NKAIN2: variants seen among roughly 807,000 people sequenced by gnomAD.
The protein encoded by NKAIN2 is sodium/potassium transporting ATPase interacting 2, also known as sodium/potassium-transporting ATPase subunit beta-1-interacting protein 2.
Under a neutral mutation model 32.6 loss-of-function variants are expected in NKAIN2, and 14 were observed. That is an observed-to-expected ratio of 0.43 (90% CI 0.28 to 0.67). NKAIN2 has a LOEUF of 0.67. NKAIN2 is among the 30% of genes least tolerant of loss of function. The pLI is 0.17. For synonymous variants in NKAIN2, 80 were observed against 87.2 expected (o/e 0.92, Z 0.46); for missense variants, 198 against 258.3 (o/e 0.77, Z 1.60).
chr6:124,379,196 GA>G (rs1800141454), intron 3 of NKAIN2, among the ~76,000 whole-genome samples: 1 of 81,510 alleles, frequency 1.2e-5, no homozygotes, highest in Non-Finnish European at 2.6e-5. Flanking sequence ...GGGAGGGAGG[GA>G]AAGGAGGAAG....
At chr6:124,428,125 C>T (rs934638598) in intron 3 of NKAIN2, among the ~76,000 whole-genome samples, 1 of 152,028 alleles carries the variant, frequency 6.6e-6, no homozygotes, top group Admixed American at 6.6e-5. Context: ...ATAGATCCAG[C>T]AGGTTTTCAA....
At chr6:124,718,135 T>C (rs1775843959) in intron 4 of NKAIN2, among the ~76,000 whole-genome samples, 3 of 152,184 alleles carry the variant, frequency 2.0e-5, no homozygotes, top group South Asian at 4.1e-4. Context: ...TCAATGATTT[T>C]TTTAGTATAA....
intron 1 of NKAIN2, among the ~76,000 whole-genome samples, chr6:123,875,342 T>C (rs938009822): frequency 2.6e-5 from 4 of 152,036 alleles, no homozygotes; most frequent in Admixed American, 2.6e-4. Flanking sequence ...ATATGCCTTG[T>C]TAATTTTTGC....
chr6:124,291,006 A>T (rs1030070661), intron 2 of NKAIN2, among the ~76,000 whole-genome samples: 10 of 152,096 alleles, frequency 6.6e-5, no homozygotes, highest in African/African-American at 2.2e-4. Flanking sequence ...ATGCTTTCTT[A>T]AATTCCATCT....
chr6:124,168,552 T>G (rs1440582541), intron 1 of NKAIN2, among the ~76,000 whole-genome samples: 3 of 149,756 alleles, frequency 2.0e-5, no homozygotes, highest in South Asian at 4.2e-4. Context: ...CCTGTTAATT[T>G]TGTGTGTGTG....
At chr6:123,868,533 C>T (rs538345794) in intron 1 of NKAIN2, among the ~76,000 whole-genome samples, 1 of 152,210 alleles carries the variant, frequency 6.6e-6, no homozygotes, top group South Asian at 2.1e-4. Context: ...GATATAGTCT[C>T]CAGCTGAGTT....
Position 123,910,499 on chromosome 6 carries a change from G to GTTTTTTTTTTTTTTTTTTTTTTTTTTTT in NKAIN2, c.54+106268_54+106269insTTTTTTTTTTTTTTTTTTTTTTTTTTTT, listed in dbSNP as rs35165515. Among the ~76,000 whole-genome samples the GTTTTTTTTTTTTTTTTTTTTTTTTTTTT allele has an allele frequency of 9.8e-5, 8 of 81,322 alleles. 1 individual carries two copies. Among genetic ancestry groups the GTTTTTTTTTTTTTTTTTTTTTTTTTTTT allele is most frequent in the East Asian group, 7.4e-4 (2 of 2,708 alleles). 53.4% of individuals were successfully genotyped at this position (81,322 alleles called of 152,430 possible). A position where few individuals can be genotyped will look rare whatever the true frequency, so the allele number is the denominator to read the frequency against. On this transcript the variant is annotated intron_variant, in intron 1 of 6. Transcript: ENST00000368417. Reference sequence around the variant, plus strand: ...TTTGAGGACATTACCTGCAATGCATGTTTTTTTTTTTTTTTTTTTTTTTGA... The same window carrying GTTTTTTTTTTTTTTTTTTTTTTTTTTTT: ...TTTGAGGACATTACCTGCAATGCATGTTTTTTTTTTTTTTTTTTTTTTTTTTTTTTTTTTTTTTTTTTTTTTTTTTTGA...
At chr6:124,087,407 C>A (rs1784232137) in intron 1 of NKAIN2, among the ~76,000 whole-genome samples, 1 of 151,562 alleles carries the variant, frequency 6.6e-6, no homozygotes. Flanking sequence ...CAATACAGTA[C>A]TGGAAGTCCT....
At chr6:124,519,878 T>G (rs1354734701) in intron 3 of NKAIN2, among the ~76,000 whole-genome samples, 1 of 152,178 alleles carries the variant, frequency 6.6e-6, no homozygotes, top group Non-Finnish European at 1.5e-5. Flanking sequence ...AAATTATGTG[T>G]AAAATATCGT....
At chr6:124,164,279 CTG>C (rs894914299) in intron 1 of NKAIN2, among the ~76,000 whole-genome samples, 1 of 151,990 alleles carries the variant, frequency 6.6e-6, no homozygotes, top group Non-Finnish European at 1.5e-5. Flanking sequence ...GTTTCCCAAA[CTG>C]TGTATTAAAG....
intron 1 of NKAIN2, among the ~76,000 whole-genome samples, chr6:123,905,080 CA>C (rs1774796112): frequency 6.6e-6 from 1 of 151,938 alleles, no homozygotes; most frequent in South Asian, 2.1e-4. Context: ...ATTCCCTTTG[CA>C]AAAAAAGTTG....
At chr6:123,874,878 G>A (rs999202184) in intron 1 of NKAIN2, among the ~76,000 whole-genome samples, 3 of 134,388 alleles carry the variant, frequency 2.2e-5, no homozygotes, top group Non-Finnish European at 4.9e-5. Flanking sequence ...ATCTTTTCTC[G>A]CTATTCCTAC....
chr6:123,982,006 T>A (rs1368112729), intron 1 of NKAIN2, among the ~76,000 whole-genome samples: 1 of 152,182 alleles, frequency 6.6e-6, no homozygotes, highest in Non-Finnish European at 1.5e-5. Context: ...AACTATGTAA[T>A]CTTTTTATAA....
chr6:124,278,675 A>G (rs1349203119), intron 1 of NKAIN2, among the ~76,000 whole-genome samples: 2 of 125,408 alleles, frequency 1.6e-5, no homozygotes, highest in African/African-American at 5.9e-5. Flanking sequence ...ATATATATAT[A>G]TATATATATA....
intron 5 of NKAIN2, among the ~76,000 whole-genome samples, chr6:124,816,591 T>TA (rs879740034): frequency 2.0e-5 from 3 of 152,066 alleles, no homozygotes; most frequent in Admixed American, 6.6e-5. Context: ...AAAACTGCTC[T>TA]AAAAAAATAA....
At chr6:124,009,558 G>C (rs1008203680) in intron 1 of NKAIN2, among the ~76,000 whole-genome samples, 3 of 152,138 alleles carry the variant, frequency 2.0e-5, no homozygotes, top group Non-Finnish European at 4.4e-5. Context: ...AGCATTGAGA[G>C]CTGCTGAGTG....
chr6:124,732,924 A>G (rs1776758556), intron 4 of NKAIN2, among the ~76,000 whole-genome samples: 1 of 152,028 alleles, frequency 6.6e-6, no homozygotes, highest in Non-Finnish European at 1.5e-5. Flanking sequence ...AGTAACCAAG[A>G]TGTTCTTGAG....
intron 2 of NKAIN2, among the ~76,000 whole-genome samples, chr6:124,337,422 A>C (rs967973046): frequency 6.6e-6 from 1 of 151,988 alleles, no homozygotes; most frequent in African/African-American, 2.4e-5. Context: ...TAAGAGGACC[A>C]CTCTAGCCTA....
intron 1 of NKAIN2, among the ~76,000 whole-genome samples, chr6:124,200,023 G>A (rs1790521205): frequency 6.6e-6 from 1 of 152,088 alleles, no homozygotes; most frequent in Non-Finnish European, 1.5e-5. Flanking sequence ...GAAGGTATGA[G>A]GAAAATTAGC....
Sources: allele counts gnomAD v4.1 joint callset (sites outside exome capture counted in the v4.1 genomes callset), GRCh38; gene constraint gnomAD v4.1.1; transcripts MANE v1.5; gene names NCBI Gene and HGNC (gene_info 2026-07-23, HGNC 2026-07-21).